Variants in AGBL4 observed in about 807,000 individuals in gnomAD.
AGBL4 encodes AGBL carboxypeptidase 4.
In AGBL4, 58 loss-of-function variants were observed where a neutral mutation model predicts 66.4. The ratio of observed to expected loss-of-function variants is 0.87; its 90% CI spans 0.71 to 1.09. The LOEUF is 1.09. AGBL4 is among the 50% of genes least tolerant of loss of function. The pLI, the probability that AGBL4 is intolerant of heterozygous loss-of-function variation, is 0.00. For synonymous variants in AGBL4, 234 were observed against 222.9 expected (o/e 1.05, Z -0.44); for missense variants, 579 against 631.0 (o/e 0.92, Z 0.88).
chr1:48,756,477 A>C (rs1643932353), intron 6 of AGBL4, among the ~76,000 whole-genome samples: 1 of 152,196 alleles, frequency 6.6e-6, no homozygotes, highest in Non-Finnish European at 1.5e-5. Flanking sequence ...GAATTCTTAC[A>C]CTAGGCTAGG....
At chr1:49,758,373 A>C (rs1217152349) in intron 2 of AGBL4, among the ~76,000 whole-genome samples, 1 of 152,070 alleles carries the variant, frequency 6.6e-6, no homozygotes, top group Non-Finnish European at 1.5e-5. Flanking sequence ...GGTGCTACCT[A>C]GTGTAGATAT....
At chr1:49,208,900 CAA>C (rs1215070902) in intron 4 of AGBL4, among the ~76,000 whole-genome samples, 4 of 152,050 alleles carry the variant, frequency 2.6e-5, no homozygotes, top group African/African-American at 9.7e-5. Flanking sequence ...AACACACACA[CAA>C]ACAACACACC....
intron 3 of AGBL4, among the ~76,000 whole-genome samples, chr1:49,444,585 T>C (rs917955160): frequency 3.3e-5 from 5 of 152,102 alleles, no homozygotes; most frequent in Admixed American, 3.3e-4. Context: ...CTGTTACAAG[T>C]ATTGCTACTC....
intron 10 of AGBL4, 111 bp downstream of exon 10, chr1:48,590,722 A>C: frequency 8.3e-7 from 1 of 1,203,832 alleles, no homozygotes; most frequent in Non-Finnish European, 1.1e-6. Context: ...AATACCTAAC[A>C]CAGAGTTAGG....
intron 3 of AGBL4, among the ~76,000 whole-genome samples, chr1:49,494,033 G>A (rs1197529787): frequency 6.6e-6 from 1 of 151,912 alleles, no homozygotes; most frequent in Non-Finnish European, 1.5e-5. Context: ...GTCTAGCCCT[G>A]CTCCCTTCCC....
intron 3 of AGBL4, among the ~76,000 whole-genome samples, chr1:49,518,278 T>G (rs929882099): frequency 2.6e-5 from 4 of 152,040 alleles, no homozygotes; most frequent in African/African-American, 9.7e-5. Flanking sequence ...CCAACACACT[T>G]TTCAAAAAGC....
At chr1:49,128,603 T>C (rs1430482664) in intron 4 of AGBL4, among the ~76,000 whole-genome samples, 1 of 151,994 alleles carries the variant, frequency 6.6e-6, no homozygotes, top group East Asian at 1.9e-4. Context: ...ACAGCCAAAA[T>C]AACTTAATAA....
intron 3 of AGBL4, among the ~76,000 whole-genome samples, chr1:49,260,766 C>G (rs1330571364): frequency 1.1e-4 from 17 of 152,068 alleles, no homozygotes; most frequent in Non-Finnish European, 1.6e-4. Flanking sequence ...TGAAACTACT[C>G]CAATCAATAG....
intron 3 of AGBL4, among the ~76,000 whole-genome samples, chr1:49,644,378 G>A (rs910461247): frequency 6.6e-6 from 1 of 151,522 alleles, no homozygotes; most frequent in African/African-American, 2.4e-5. Flanking sequence ...GGGTTCAAAA[G>A]TAAGATTCAA....
chr1:49,335,715 C>T (rs1213599071), intron 3 of AGBL4, among the ~76,000 whole-genome samples: 2 of 152,096 alleles, frequency 1.3e-5, no homozygotes, highest in Non-Finnish European at 2.9e-5. Flanking sequence ...CGGGGTTTCA[C>T]CATGTTAGTC....
intron 2 of AGBL4, among the ~76,000 whole-genome samples, chr1:49,815,437 C>A (rs1645208219): frequency 1.3e-5 from 2 of 152,142 alleles, no homozygotes; most frequent in Admixed American, 6.6e-5. Context: ...ACTTACATTG[C>A]TTCAAAATCT....
chr1:49,238,701 T>A (rs1650979098), intron 4 of AGBL4, among the ~76,000 whole-genome samples: 1 of 152,214 alleles, frequency 6.6e-6, no homozygotes, highest in African/African-American at 2.4e-5. Flanking sequence ...CCCCATTGTG[T>A]TTGGCTGGAG....
intron 6 of AGBL4, among the ~76,000 whole-genome samples, chr1:48,850,040 G>A (rs1316982167): frequency 1.3e-5 from 2 of 152,130 alleles, no homozygotes; most frequent in East Asian, 3.9e-4. Context: ...TGGTACCACA[G>A]ACTCCACATA....
chr1:48,879,960 T>C (rs1227966106), intron 5 of AGBL4, among the ~76,000 whole-genome samples: 1 of 152,214 alleles, frequency 6.6e-6, no homozygotes, highest in Non-Finnish European at 1.5e-5. Flanking sequence ...ATTTTCTTTT[T>C]TACATTTTTA....
At chr1:49,006,463 A>AAAGC (rs1661828915) in intron 5 of AGBL4, among the ~76,000 whole-genome samples, 1 of 152,180 alleles carries the variant, frequency 6.6e-6, no homozygotes, top group South Asian at 2.1e-4. Context: ...GGCGCCCGCC[A>AAAGC]TTGCCCAGGC....
chr1:48,824,711 C>G (rs532415420), intron 6 of AGBL4, among the ~76,000 whole-genome samples: 1 of 152,230 alleles, frequency 6.6e-6, no homozygotes, highest in East Asian at 1.9e-4. Context: ...ACCTGACATC[C>G]TTGGGATAAA....
rs533411189 is a variant in AGBL4, at chr1:49,054,401, T to C, written c.378-8601A>G. Among the ~76,000 whole-genome samples, 6 of 152,110 alleles carry C rather than the reference T, an allele frequency of 3.9e-5. No homozygotes were observed. In the South Asian group the frequency reaches 1.2e-3, roughly 32 times the overall value. On this transcript the variant is annotated intron_variant, in intron 4 of 13. Coordinates refer to ENST00000371839, the MANE Select transcript of AGBL4 (RefSeq NM_032785.4). ...TTATTCATTTTCAAAAGTTAAACAT[T>C]AAAGAAAAAATTATTTTAGGGCAAT...
At position 48,636,169 on chromosome 1, in the gene AGBL4, T is replaced by TTGAC. The variant is rs542502604; in HGVS notation, c.840-1569_840-1566dup. ...GAAGTAGAATTGCTTGGTAAGAGGA[T>TTGAC]TGACTGACTGTAAAATCACTATTAA... On this transcript the variant is annotated intron_variant, in intron 8 of 13. Coordinates refer to ENST00000371839, the MANE Select transcript of AGBL4 (RefSeq NM_032785.4). Among the ~76,000 whole-genome samples, 138 of 152,312 alleles carry TTGAC rather than the reference T, an allele frequency of 9.1e-4. 1 individual carries two copies. Among genetic ancestry groups the TTGAC allele is most frequent in the African/African-American group, 3.0e-3 (124 of 41,578 alleles).
chr1:48,660,350 TG>T (rs978744699), intron 7 of AGBL4, among the ~76,000 whole-genome samples: 15 of 152,216 alleles, frequency 9.9e-5, no homozygotes, highest in African/African-American at 3.4e-4. Flanking sequence ...CGGCTTCACA[TG>T]CCTGTTCCCT....
Sources: gnomAD v4.1 joint callset for allele counts (sites outside exome capture counted in the v4.1 genomes callset) on GRCh38, gnomAD v4.1.1 for gene constraint, MANE v1.5 for transcripts, NCBI Gene and HGNC (gene_info 2026-07-23, HGNC 2026-07-21) for gene names.